DCAF1: variants seen among roughly 807,000 people sequenced by gnomAD.
DCAF1 encodes the protein DDB1 and CUL4 associated factor 1.
A neutral mutation model predicts 128.0 loss-of-function variants in DCAF1; 15 were observed. That is an observed-to-expected ratio of 0.12 (90% CI 0.08 to 0.18). DCAF1 has a LOEUF of 0.18. Among genes scored for constraint, DCAF1 ranks in the 10% least tolerant of loss-of-function variants. The pLI is 1.00. For synonymous variants in DCAF1, 610 were observed against 603.0 expected (o/e 1.01, Z -0.17); for missense variants, 988 against 1,649.5 (o/e 0.60, Z 6.95).
intron 6 of DCAF1, among the ~76,000 whole-genome samples, chr3:51,444,351 C>A (rs976738941): frequency 1.3e-5 from 2 of 151,052 alleles, no homozygotes; most frequent in Non-Finnish European, 2.9e-5. Flanking sequence ...CATATCAGAA[C>A]CTTCTTTTTA....
chr3:51,441,366 C>T lies in DCAF1; in HGVS notation c.1026+19G>A. The stretch of plus-strand genomic sequence containing the variant: ...CAATAATTCCTATGTGTGAACAGTA[C>T]TCTTCCCAATAAGCTTACCTCCTGA... On this transcript the variant is annotated intron_variant, in intron 8 of 24. Coordinates refer to ENST00000684031, the MANE Select transcript of DCAF1 (RefSeq NM_001387579.1). 1.2e-6 allele frequency: 2 copies of T among 1,605,034 alleles called. No individual in the cohort carries two copies. Among genetic ancestry groups the T allele is most frequent in the Non-Finnish European group, 1.7e-6 (2 of 1,175,304 alleles).
chr3:51,412,913 G>A (rs929942293), intron 22 of DCAF1, 80 bp downstream of exon 22: 1 of 1,573,102 alleles, frequency 6.4e-7, no homozygotes, highest in Non-Finnish European at 8.6e-7. Context: ...TCTTATATCA[G>A]ACAAAATGTC....
intron 24 of DCAF1, among the ~76,000 whole-genome samples, chr3:51,399,625 C>A (rs1256769546): frequency 3.3e-5 from 5 of 152,062 alleles, no homozygotes; most frequent in African/African-American, 1.2e-4. Context: ...GCAAAAAGGA[C>A]CCTCAAGATG....
chr3:51,440,657 G>A (rs1289045583), intron 9 of DCAF1, among the ~76,000 whole-genome samples: 7 of 151,646 alleles, frequency 4.6e-5, no homozygotes, highest in Non-Finnish European at 1.0e-4. Context: ...TGTAATCCCA[G>A]CACTGTGGGA....
intron 2 of DCAF1, among the ~76,000 whole-genome samples, chr3:51,496,202 A>C (rs1306971434): frequency 6.6e-6 from 1 of 152,102 alleles, no homozygotes; most frequent in Non-Finnish European, 1.5e-5. Context: ...CGAGGCCGGC[A>C]GATCACAAGG....
chr3:51,428,386 A>G (rs1553634671), intron 12 of DCAF1, among the ~76,000 whole-genome samples: 1 of 130,086 alleles, frequency 7.7e-6, no homozygotes, highest in Non-Finnish European at 1.5e-5. Flanking sequence ...GTGCAGTGAT[A>G]TGATCGTAGC....
intron 3 of DCAF1, among the ~76,000 whole-genome samples, chr3:51,475,358 T>A (rs532615830): frequency 6.6e-6 from 1 of 152,128 alleles, no homozygotes; most frequent in Admixed American, 6.6e-5. Flanking sequence ...TCCCAGCACT[T>A]TGGGAGGCCA....
chr3:51,445,371 T>C (rs552508995), intron 6 of DCAF1, among the ~76,000 whole-genome samples: 2 of 152,356 alleles, frequency 1.3e-5, no homozygotes, highest in South Asian at 4.1e-4. Context: ...ACATGTTTTT[T>C]AGATTCATCT....
At chr3:51,442,447 C>T (rs886710972) in intron 7 of DCAF1, among the ~76,000 whole-genome samples, 6 of 152,022 alleles carry the variant, frequency 3.9e-5, no homozygotes, top group African/African-American at 1.5e-4. Flanking sequence ...CCTGTAATCC[C>T]AGTAATTTGG....
At chr3:51,456,255 T>C (rs1448955222) in intron 6 of DCAF1, among the ~76,000 whole-genome samples, 1 of 152,156 alleles carries the variant, frequency 6.6e-6, no homozygotes, top group African/African-American at 2.4e-5. Flanking sequence ...CACCAGGAGA[T>C]TACATCCCGC....
Position 51,414,821 on chromosome 3 carries a change from G to C in DCAF1, c.3640C>G (p.Leu1214Val). 6.2e-7 allele frequency: 1 copy of C among 1,614,018 alleles called. No homozygotes were observed. Among genetic ancestry groups the C allele is most frequent in the African/African-American group, 1.3e-5 (1 of 75,046 alleles). ...DIQTGNKLLT[L>V]FNPDLANNYK... ...TTGTTGGCAAGATCTGGGTTAAACA[G>C]AGTCAACAGCTTGTTGCCAGTCTGA... The change falls in exon 19 of 25, where the codon CTG becomes GTG. Residue 1214 changes from leucine (L) to valine (V), a missense_variant. By Grantham distance (32) the Leu-to-Val change is conservative. This residue lies in a region of DCAF1 where 61 missense variants were observed against 78.3 expected (regional missense o/e 0.78). Coordinates refer to ENST00000684031, the MANE Select transcript of DCAF1 (RefSeq NM_001387579.1).
At chr3:51,406,965 G>T (rs991620861) in intron 23 of DCAF1, among the ~76,000 whole-genome samples, 1 of 152,104 alleles carries the variant, frequency 6.6e-6, no homozygotes, top group African/African-American at 2.4e-5. Flanking sequence ...AGGCCAAGGC[G>T]GGTGGATCAC....
At position 51,412,973 on chromosome 3, in the gene DCAF1, C is replaced by T. The variant is rs906891373; in HGVS notation, c.4110+20G>A. On this transcript the variant is annotated intron_variant, in intron 22 of 24. Transcript: ENST00000684031. ...TAAACATCAGAACAAAAGAGCAGGG[C>T]CTCTGCAAGCTCCCTTTACCTCAAT... is the stretch of plus-strand genomic sequence containing the variant. 2 of 1,613,168 alleles carry T rather than the reference C, an allele frequency of 1.2e-6. No individual in the cohort carries two copies. Among genetic ancestry groups the T allele is most frequent in the African/African-American group, 2.7e-5 (2 of 74,884 alleles).
At chr3:51,407,874 C>A (rs1698019068) in intron 23 of DCAF1, among the ~76,000 whole-genome samples, 3 of 151,796 alleles carry the variant, frequency 2.0e-5, no homozygotes, top group Admixed American at 2.0e-4. Flanking sequence ...ACAATCCCAG[C>A]TACTCAGGGA....
chr3:51,503,843 C>T (rs1708878312), upstream of DCAF1, among the ~76,000 whole-genome samples: 1 of 152,150 alleles, frequency 6.6e-6, no homozygotes, highest in African/African-American at 2.4e-5. Flanking sequence ...AAACAAATTC[C>T]ACAAAGTCAA....
chr3:51,482,736 G>A lies in DCAF1; in HGVS notation c.110+983C>T, dbSNP rs1553653394. ...GCCGAGATCGTGCCATTGCACTCCA[G>A]CCCAGGAGACAGTGCAACACTCCAT... On this transcript the variant is annotated intron_variant, in intron 3 of 24. Transcript: ENST00000684031. Among the ~76,000 whole-genome samples, 6 of 131,284 alleles carry A rather than the reference G, an allele frequency of 4.6e-5. No homozygotes were observed. In the South Asian group the frequency reaches 1.5e-3, roughly 32 times the overall value. 86.1% of individuals were successfully genotyped at this position (131,284 alleles called of 152,430 possible).
Position 51,413,247 on chromosome 3 carries a change from G to A in DCAF1, c.4036+35C>T, listed in dbSNP as rs782123048. The A allele has an allele frequency of 8.1e-6, 13 of 1,595,788 alleles. No homozygotes were observed. The East Asian group carries it at 1.8e-4, about 22-fold the overall frequency. ...TCTTAAATAAGGAACACCAAAACAC[G>A]ACAAAATGTTCAATGTCTGTCCCTT... On this transcript the variant is annotated intron_variant, in intron 21 of 24. Coordinates refer to ENST00000684031, the MANE Select transcript of DCAF1 (RefSeq NM_001387579.1).
At chr3:51,427,238 A>G (rs1553634302) in intron 13 of DCAF1, 134 bp downstream of exon 13, 2 of 561,138 alleles carry the variant, frequency 3.6e-6, no homozygotes, top group Admixed American at 3.4e-5. Flanking sequence ...TGCCTAATCT[A>G]ATTTCTCAGA....
intron 14 of DCAF1, 108 bp downstream of exon 14, chr3:51,422,199 T>C (rs533137478): frequency 1.5e-6 from 1 of 667,868 alleles, no homozygotes; most frequent in Admixed American, 2.2e-5. Flanking sequence ...CCTCTACTAC[T>C]TCTGTTCTAA....
Sources: allele counts gnomAD v4.1 joint callset (sites outside exome capture counted in the v4.1 genomes callset), GRCh38; gene constraint gnomAD v4.1.1; regional missense constraint gnomAD v4.1.1; transcripts MANE v1.5; gene names NCBI Gene and HGNC (gene_info 2026-07-23, HGNC 2026-07-21).